Variants in CNTNAP5 observed in about 807,000 individuals in gnomAD.
CNTNAP5 encodes the protein contactin associated protein family member 5.
A neutral mutation model predicts 150.2 loss-of-function variants in CNTNAP5; 72 were observed. The observed-to-expected ratio is 0.48, with a 90% CI of 0.40 to 0.58. The LOEUF (loss-of-function observed/expected upper bound fraction) is 0.58. Among genes scored for constraint, CNTNAP5 ranks in the 20% least tolerant of loss-of-function variants. The pLI is 0.00. For missense variants in CNTNAP5, 1,636 were observed against 1,626.2 expected (o/e 1.01, Z -0.10); for synonymous variants, 672 against 619.8 (o/e 1.08, Z -1.25).
intron 3 of CNTNAP5, among the ~76,000 whole-genome samples, chr2:124,292,973 G>A (rs1422355112): frequency 6.6e-6 from 1 of 151,998 alleles, no homozygotes; most frequent in Non-Finnish European, 1.5e-5. Flanking sequence ...ATGCAATAAT[G>A]AGGTAGTAGA....
chr2:124,294,266 G>A (rs1017729125), intron 3 of CNTNAP5, among the ~76,000 whole-genome samples: 2 of 151,964 alleles, frequency 1.3e-5, no homozygotes, highest in East Asian at 1.9e-4. Context: ...AAGAGTCTTG[G>A]GCACAACAGA....
At chr2:124,145,812 T>A (rs1056005726) in intron 1 of CNTNAP5, among the ~76,000 whole-genome samples, 5,356 of 64,146 alleles carry the variant, frequency 0.083, 290 homozygotes, top group East Asian at 0.23. Context: ...AAAAAAACAT[T>A]AAAAAAAAAA....
At chr2:124,266,231 A>T (rs1259674826) in intron 3 of CNTNAP5, among the ~76,000 whole-genome samples, 1 of 152,318 alleles carries the variant, frequency 6.6e-6, no homozygotes, top group East Asian at 1.9e-4. Context: ...AGTTTGAGGC[A>T]TCTTGCACTA....
chr2:124,749,881 A>G (rs957346051), intron 14 of CNTNAP5, among the ~76,000 whole-genome samples: 13 of 152,132 alleles, frequency 8.5e-5, no homozygotes, highest in African/African-American at 3.1e-4. Context: ...GGCAGGGAAA[A>G]GCGTGGCCTT....
At chr2:124,037,291 C>A (rs1057054694) in intron 1 of CNTNAP5, among the ~76,000 whole-genome samples, 1 of 152,182 alleles carries the variant, frequency 6.6e-6, no homozygotes, top group Non-Finnish European at 1.5e-5. Context: ...TCACTAAGTG[C>A]AGTATTTTTA....
intron 1 of CNTNAP5, among the ~76,000 whole-genome samples, chr2:124,063,557 A>T (rs78021956): frequency 6.6e-6 from 1 of 152,128 alleles, no homozygotes. Context: ...TTAAATGACA[A>T]TTATGGAAGT....
intron 17 of CNTNAP5, among the ~76,000 whole-genome samples, chr2:124,786,448 A>AAGG: frequency 2.7e-5 from 3 of 109,100 alleles, no homozygotes; most frequent in African/African-American, 1.4e-4. Context: ...GGAAGGAAGG[A>AAGG]AAGAAAGAAA....
intron 21 of CNTNAP5, among the ~76,000 whole-genome samples, chr2:124,875,595 C>T (rs1677841629): frequency 6.6e-6 from 1 of 151,498 alleles, no homozygotes; most frequent in Admixed American, 6.6e-5. Context: ...TTTCTTGAAG[C>T]TTTATATGCA....
chr2:124,261,607 A>G (rs1687457232), intron 3 of CNTNAP5, among the ~76,000 whole-genome samples: 1 of 152,154 alleles, frequency 6.6e-6, no homozygotes, highest in Non-Finnish European at 1.5e-5. Flanking sequence ...GGTGGGTGGC[A>G]GTGGGAGCCC....
intron 3 of CNTNAP5, among the ~76,000 whole-genome samples, chr2:124,288,053 T>G (rs537118580): frequency 6.6e-6 from 1 of 152,176 alleles, no homozygotes; most frequent in African/African-American, 2.4e-5. Flanking sequence ...CCTCAGCCTC[T>G]CAAGTAGCTG....
intron 1 of CNTNAP5, among the ~76,000 whole-genome samples, chr2:124,029,602 T>C (rs1442903006): frequency 6.6e-6 from 1 of 152,088 alleles, no homozygotes; most frequent in Non-Finnish European, 1.5e-5. Context: ...ACTCTCTCCT[T>C]GCTTTATTTT....
chr2:124,843,777 A>G (rs767177851), intron 19 of CNTNAP5, among the ~76,000 whole-genome samples: 1 of 152,038 alleles, frequency 6.6e-6, no homozygotes, highest in Non-Finnish European at 1.5e-5. Context: ...GTAGTTTTCT[A>G]TATGCTTTTT....
chr2:124,457,550 A>T (rs936830423), intron 6 of CNTNAP5, among the ~76,000 whole-genome samples: 7 of 152,184 alleles, frequency 4.6e-5, no homozygotes, highest in Non-Finnish European at 1.0e-4. Context: ...TTATTAATCA[A>T]CTTTTATGTT....
At chr2:124,587,235 GT>G (rs1298263028) in intron 11 of CNTNAP5, among the ~76,000 whole-genome samples, 1 of 152,118 alleles carries the variant, frequency 6.6e-6, no homozygotes, top group Non-Finnish European at 1.5e-5. Context: ...CCATCTCCCT[GT>G]GCTGAATACA....
Position 124,848,674 on chromosome 2 carries a change from C to T in CNTNAP5, c.3218-16632C>T, listed in dbSNP as rs116707852. Among the ~76,000 whole-genome samples the T allele has an allele frequency of 5.1e-3, 782 of 152,256 alleles. 15 individuals are homozygous for T. The highest frequency in any genetic ancestry group is 0.018 in the African/African-American group (731 of 41,554). ...CTTGCCAACACTTGCTACCTATTGT[C>T]TTTTTGATAATAACCATCCTAACAG... On this transcript the variant is annotated intron_variant, in intron 19 of 23. Coordinates refer to ENST00000682447, the MANE Select transcript of CNTNAP5 (RefSeq NM_001367498.1).
intron 1 of CNTNAP5, among the ~76,000 whole-genome samples, chr2:124,127,675 G>A (rs1683743347): frequency 6.6e-6 from 1 of 152,202 alleles, no homozygotes; most frequent in Non-Finnish European, 1.5e-5. Flanking sequence ...CAAGGCTACA[G>A]TAACCAAAAC....
chr2:124,417,276 G>GAAAA (rs1691943163), intron 3 of CNTNAP5, among the ~76,000 whole-genome samples, 167 bp from the exon 4 acceptor site: 1 of 152,070 alleles, frequency 6.6e-6, no homozygotes, highest in African/African-American at 2.4e-5. Context: ...AAGTATTTCT[G>GAAAA]AAAACAAACA....
intron 11 of CNTNAP5, among the ~76,000 whole-genome samples, chr2:124,585,834 T>C (rs1344692523): frequency 6.6e-6 from 1 of 152,050 alleles, no homozygotes; most frequent in Non-Finnish European, 1.5e-5. Flanking sequence ...ATAAAACTCA[T>C]AAATAGCAAA....
At chr2:124,359,193 C>A (rs1409570511) in intron 3 of CNTNAP5, among the ~76,000 whole-genome samples, 1 of 151,986 alleles carries the variant, frequency 6.6e-6, no homozygotes, top group Non-Finnish European at 1.5e-5. Context: ...ATCCTTCTCT[C>A]TTTTTTTCTT....
Sources: gnomAD v4.1 joint callset for allele counts (sites outside exome capture counted in the v4.1 genomes callset) on GRCh38, gnomAD v4.1.1 for gene constraint, MANE v1.5 for transcripts, NCBI Gene and HGNC (gene_info 2026-07-23, HGNC 2026-07-21) for gene names.